BLTP1: variants seen among roughly 807,000 people sequenced by gnomAD.
The protein encoded by BLTP1 is bridge-like lipid transfer protein family member 1.
the BLTP1 span, chr4:122,353,810 G>T: frequency 1.2e-6 from 2 of 1,603,100 alleles, no homozygotes; most frequent in African/African-American, 1.3e-5. This position sits in a 1 kb window ranked among gnomAD's most constrained non-coding sequence, Gnocchi z 4.3. Flanking sequence ...TTATTTTGTT[G>T]TAGGCTCCAG....
the BLTP1 span, chr4:122,325,918 G>T: frequency 9.0e-6 from 9 of 996,542 alleles, no homozygotes; most frequent in Non-Finnish European, 1.2e-5. Flanking sequence ...GTATTTTCAG[G>T]TACTTACTAA....
the BLTP1 span, among the ~76,000 whole-genome samples, chr4:122,332,042 A>G: frequency 6.6e-6 from 1 of 151,848 alleles, no homozygotes; most frequent in Non-Finnish European, 1.5e-5. Context: ...CAGGATTAAC[A>G]TTTTTTTCTT....
At chr4:122,217,872 T>A in the BLTP1 span, among the ~76,000 whole-genome samples, 1 of 152,232 alleles carries the variant, frequency 6.6e-6, no homozygotes, top group Admixed American at 6.5e-5. Flanking sequence ...TTTTTAAAAA[T>A]TACTTTTTCT....
chr4:122,302,372 A>AT, the BLTP1 span: 1 of 299,838 alleles, frequency 3.3e-6, no homozygotes, highest in Non-Finnish European at 4.9e-6. Flanking sequence ...TGAAGGTGCC[A>AT]TTTTTCCAAT....
the BLTP1 span, chr4:122,347,291 C>A: frequency 1.1e-6 from 1 of 945,798 alleles, no homozygotes; most frequent in Non-Finnish European, 1.3e-6. Context: ...TGAGTGTATT[C>A]CCTCACCTGT....
At chr4:122,207,530 T>TTTTTTTTTTTTG in the BLTP1 span, 1 of 1,553,756 alleles carries the variant, frequency 6.4e-7, no homozygotes, top group Non-Finnish European at 8.6e-7. Flanking sequence ...TTTTTTTTTT[T>TTTTTTTTTTTTG]TCTTTTGTAG....
At chr4:122,255,282 T>C in the BLTP1 span, 50 of 1,585,838 alleles carry the variant, frequency 3.2e-5, no homozygotes, top group South Asian at 5.1e-4. Flanking sequence ...GATGCTACAA[T>C]GGTAAGTTAC....
the BLTP1 span, chr4:122,251,424 A>T: frequency 6.8e-4 from 598 of 882,314 alleles, no homozygotes; most frequent in Non-Finnish European, 7.5e-4. Context: ...TACCCCCCAG[A>T]TTCCTAGGGA....
chr4:122,269,573 A>G, the BLTP1 span: 1 of 985,098 alleles, frequency 1.0e-6, no homozygotes. Flanking sequence ...TTATTTGGAG[A>G]CCTTCACCGC....
the BLTP1 span, among the ~76,000 whole-genome samples, chr4:122,255,694 C>T: frequency 6.6e-6 from 1 of 152,030 alleles, no homozygotes; most frequent in Non-Finnish European, 1.5e-5. Context: ...AAAGAGTGTG[C>T]TCAGACTAAT....
chr4:122,200,585 A>AAC, the BLTP1 span: 1 of 557,284 alleles, frequency 1.8e-6, no homozygotes, highest in Non-Finnish European at 2.3e-6. Context: ...TCTCAAAACA[A>AAC]AAAAAAAAAA....
chr4:122,185,506 T>A, the BLTP1 span: 3 of 788,862 alleles, frequency 3.8e-6, no homozygotes, highest in Non-Finnish European at 4.6e-6. Context: ...CTATTTCTAC[T>A]TAATGTAATT....
At chr4:122,251,242 C>T in the BLTP1 span, 4 of 876,678 alleles carry the variant, frequency 4.6e-6, no homozygotes, top group South Asian at 2.1e-4. Flanking sequence ...GGGCTTAGCT[C>T]AGTATGTAGT....
chr4:122,159,562 T>C, the BLTP1 span, among the ~76,000 whole-genome samples: 1 of 152,218 alleles, frequency 6.6e-6, no homozygotes, highest in Non-Finnish European at 1.5e-5. Flanking sequence ...GCTTTCACTT[T>C]GTTGTTGAAT....
chr4:122,245,291 A>G, the BLTP1 span: 3 of 593,588 alleles, frequency 5.1e-6, no homozygotes, highest in Non-Finnish European at 8.8e-6. Context: ...TGTAAAAGAT[A>G]GGACATATAA....
the BLTP1 span, among the ~76,000 whole-genome samples, chr4:122,280,352 T>C: frequency 6.6e-6 from 1 of 152,334 alleles, no homozygotes; most frequent in South Asian, 2.1e-4. Flanking sequence ...TAAGAAAGTA[T>C]AGCAGTGGTC....
chr4:122,283,672 A>G, the BLTP1 span, among the ~76,000 whole-genome samples: 1 of 152,180 alleles, frequency 6.6e-6, no homozygotes, highest in Non-Finnish European at 1.5e-5. Flanking sequence ...ACATCTGGCT[A>G]ATTTTAAAAT....
the BLTP1 span, among the ~76,000 whole-genome samples, chr4:122,162,226 T>A: frequency 6.6e-6 from 1 of 152,214 alleles, no homozygotes; most frequent in Non-Finnish European, 1.5e-5. Flanking sequence ...TCTATGTTGC[T>A]CCAAATAATC....
chr4:122,152,625 G>C, the BLTP1 span: 1 of 985,414 alleles, frequency 1.0e-6, no homozygotes, highest in Admixed American at 6.1e-5. Context: ...GAGGTCGTCA[G>C]CCCCTTTTTC....
Sources: allele counts gnomAD v4.1 joint callset (sites outside exome capture counted in the v4.1 genomes callset), GRCh38; gene constraint gnomAD v4.1.1; non-coding constraint Gnocchi (gnomAD v3.1); transcripts MANE v1.5; gene names NCBI Gene and HGNC (gene_info 2026-07-23, HGNC 2026-07-21).